Variants in RHBDF1 observed in about 807,000 individuals in gnomAD.
RHBDF1 encodes the protein inactive rhomboid protein 1.
In RHBDF1, 80 loss-of-function variants were observed where a neutral mutation model predicts 98.6. The observed-to-expected ratio is 0.81, with a 90% CI of 0.68 to 0.98. The LOEUF is 0.98. Ranked by LOEUF, RHBDF1 falls within the 50% of genes least tolerant of loss-of-function variation. RHBDF1 has a pLI of 0.00. For missense variants in RHBDF1, 1,116 were observed against 1,198.3 expected, an observed-to-expected ratio of 0.93 and a Z score of 1.01; for synonymous variants, 512 against 486.8, an observed-to-expected ratio of 1.05 and a Z score of -0.68.
upstream of RHBDF1, among the ~76,000 whole-genome samples, chr16:73,366 G>A (rs1373779100): frequency 6.6e-6 from 1 of 151,858 alleles, no homozygotes; most frequent in Non-Finnish European, 1.5e-5. Context: ...GGCCCCACCC[G>A]AAGCCACTCA....
chr16:72,664 C>T, upstream of RHBDF1: 2 of 980,500 alleles, frequency 2.0e-6, no homozygotes, highest in Non-Finnish European at 2.4e-6. Context: ...CGGGGGCGGG[C>T]CCGGCCGGAG....
rs377455448 is a variant in RHBDF1, at chr16:70,547, G to A, written c.-25+1966C>T. 1.7e-4 allele frequency among the ~76,000 whole-genome samples: 26 copies of A among 152,338 alleles called. No homozygotes were observed. In the East Asian group the frequency reaches 3.1e-3, roughly 18 times the overall value. On this transcript the variant is annotated intron_variant, in intron 1 of 17. Coordinates refer to ENST00000262316, the MANE Select transcript of RHBDF1 (RefSeq NM_022450.5). ...ACCAAGTCAGAGCAGAAATGGCTTC[G>A]GTCCTCAGCAGCCTGGCTCAGCTTC...
chr16:68,904 G>A (rs945394358), intron 1 of RHBDF1, among the ~76,000 whole-genome samples: 1 of 152,160 alleles, frequency 6.6e-6, no homozygotes, highest in Non-Finnish European at 1.5e-5. Flanking sequence ...ATGCAGGGAG[G>A]CCACTGGGGA....
In RHBDF1 at chr16:59,643, T is replaced by G. The variant is rs895904586; in HGVS notation, c.1817+89A>C. On this transcript the variant is annotated intron_variant, in intron 14 of 17. Transcript: ENST00000262316. ...ACCCCACATCCTTGGTATACTGGCT[T>G]ATTTCAGGATTTGGTTAGGGAGAAG... 5.9e-6 allele frequency: 9 copies of G among 1,523,220 alleles called. No homozygotes were observed. The African/African-American group carries it at 1.2e-4, about 21-fold the overall frequency. 94.4% of individuals were successfully genotyped at this position (1,523,220 alleles called of 1,614,324 possible).
Position 72,567 on chromosome 16 carries a change from C to G in RHBDF1, c.-79G>C. 3.3e-6 allele frequency: 3 copies of G among 897,064 alleles called. No homozygotes were observed. The highest frequency in any genetic ancestry group is 3.8e-6 in the Non-Finnish European group (3 of 793,938). 55.6% of individuals were successfully genotyped at this position (897,064 alleles called of 1,614,324 possible). On this transcript the variant is annotated 5_prime_UTR_variant, in exon 1 of 18. Transcript: ENST00000262316. Reference sequence around the variant, plus strand: ...GAGGGCGCCGGGGAGGAGGCTGCCGCCGCTGGCCGGGAGGGCCCGCGCCGA... The same window carrying G: ...GAGGGCGCCGGGGAGGAGGCTGCCGGCGCTGGCCGGGAGGGCCCGCGCCGA...
chr16:58,245 TG>T lies in RHBDF1; in HGVS notation c.*94del, dbSNP rs1263834914. The T allele has an allele frequency of 8.1e-7, 1 of 1,236,982 alleles. No homozygotes were observed. The highest frequency in any genetic ancestry group is 1.5e-5 in the African/African-American group (1 of 66,418). The allele number at this position is 1,236,982 out of a possible 1,614,324, so 76.6% of individuals were successfully genotyped here. ...TTCAGGAAACAGGCCAGTCCCCACA[TG>T]GAGCAGGTGACTCCTGTAAGCCTGT... On this transcript the variant is annotated 3_prime_UTR_variant, in exon 18 of 18. Coordinates refer to ENST00000262316, the MANE Select transcript of RHBDF1 (RefSeq NM_022450.5).
At chr16:59,685 T>A (rs953020330) in intron 14 of RHBDF1, 47 bp downstream of exon 14, 1 of 1,605,600 alleles carries the variant, frequency 6.2e-7, no homozygotes, top group East Asian at 2.2e-5. Flanking sequence ...CCTAGGGCGA[T>A]GCTCTGAGCC....
Position 61,301 on chromosome 16 carries a change from GCGGC to G in RHBDF1, c.1396-24_1396-21del. The G allele has an allele frequency of 6.5e-7, 1 of 1,541,998 alleles. No individual in the cohort carries two copies. Among genetic ancestry groups the G allele is most frequent in the Non-Finnish European group, 8.7e-7 (1 of 1,143,342 alleles). On this transcript the variant is annotated intron_variant, in intron 10 of 17. Transcript: ENST00000262316. ...GGCCTCCTGCGGGCGAGGGAGACGAGCGGCCGCAGTCCGGGGCCTCCTGCCCCCG... is the reference window on the plus strand; with the variant it reads ...GGCCTCCTGCGGGCGAGGGAGACGAGCGCAGTCCGGGGCCTCCTGCCCCCG...
Position 59,353 on chromosome 16 carries a change from C to A in RHBDF1, c.1894-4G>T, listed in dbSNP as rs374612033. 1 of 1,611,698 alleles carries A rather than the reference C, an allele frequency of 6.2e-7. No homozygotes were observed. Reference sequence around the variant, plus strand: ...ACACATCATCCATGCAGTGCACCTGCGCAGAGCAGCATATCAGCATCACAG... The same window carrying A: ...ACACATCATCCATGCAGTGCACCTGAGCAGAGCAGCATATCAGCATCACAG... On this transcript the variant is annotated splice_region_variant and splice_polypyrimidine_tract_variant and intron_variant, in intron 15 of 17. Coordinates refer to ENST00000262316, the MANE Select transcript of RHBDF1 (RefSeq NM_022450.5).
chr16:61,665 G>T lies in RHBDF1; in HGVS notation c.1240C>A (p.His414Asn). 1 of 1,613,478 alleles carries T rather than the reference G, an allele frequency of 6.2e-7. No homozygotes were observed. Among genetic ancestry groups the T allele is most frequent in the Non-Finnish European group, 8.5e-7 (1 of 1,179,916 alleles). Residue 414 changes from histidine to asparagine, a missense_variant, in exon 9 of 18, where the codon CAC (histidine) becomes AAC (asparagine). Coordinates refer to ENST00000262316, the MANE Select transcript of RHBDF1 (RefSeq NM_022450.5). ...PFFTYWLTFV[H>N]SLVTILAVCI... Reference sequence around the variant, plus strand: ...ACGGCTAGGATGGTGACGAGCGAGTGCACGAAGGTAAGCCAGTAGGTGAAG... The same window carrying T: ...ACGGCTAGGATGGTGACGAGCGAGTTCACGAAGGTAAGCCAGTAGGTGAAG...
chr16:64,610 C>A, intron 3 of RHBDF1, 89 bp downstream of exon 3: 1 of 1,546,130 alleles, frequency 6.5e-7, no homozygotes, highest in South Asian at 1.3e-5. Flanking sequence ...CAAGAGGGCC[C>A]TTGTTCTCAT....
rs770649319 is a variant in RHBDF1, at chr16:61,574, C to G, written c.1320+11G>C. 11 of 1,612,822 alleles carry G rather than the reference C, an allele frequency of 6.8e-6. No individual in the cohort carries two copies. In the South Asian group the frequency reaches 7.7e-5, roughly 11 times the overall value. ...CACTCGTCTGGGCCCAGGGAAGGCA[C>G]AGGGGCTCACCGAGTCCACCGTCTC... On this transcript the variant is annotated intron_variant, in intron 9 of 17. Transcript: ENST00000262316.
upstream of RHBDF1, among the ~76,000 whole-genome samples, chr16:74,439 C>T (rs1898048372): frequency 6.6e-6 from 1 of 152,198 alleles, no homozygotes; most frequent in African/African-American, 2.4e-5. Context: ...GACCCAGACA[C>T]TCATCGCCAG....
At chr16:59,975 C>A in intron 13 of RHBDF1, 149 bp from the exon 14 acceptor site, 6 of 1,487,324 alleles carry the variant, frequency 4.0e-6, no homozygotes, top group Non-Finnish European at 5.4e-6. Flanking sequence ...CACACTGAGT[C>A]TCTATCAAAC....
chr16:58,969 C>T lies in RHBDF1; in HGVS notation c.2148+5G>A. The stretch of plus-strand genomic sequence containing the variant: ...GAGGATCCCCACCCTGAGGGCCAGC[C>T]TTACCTCTGCTCGGTATGGCAGGAA... On this transcript the variant is annotated splice_donor_5th_base_variant and intron_variant, in intron 17 of 17. Transcript: ENST00000262316. 1 of 1,612,984 alleles carries T rather than the reference C, an allele frequency of 6.2e-7. No homozygotes were observed. Among genetic ancestry groups the T allele is most frequent in the South Asian group, 1.1e-5 (1 of 91,054 alleles).
At chr16:61,333 G>A (rs539856820) in intron 10 of RHBDF1, 52 bp from the exon 11 acceptor site, 55 of 1,543,650 alleles carry the variant, frequency 3.6e-5, no homozygotes, top group African/African-American at 2.3e-4. Flanking sequence ...TGCCCCCGCC[G>A]GGCACCTCCA....
rs79691782 is a variant in RHBDF1, at chr16:61,249, C to G, written c.1428G>C (p.Ser476=). The G allele has an allele frequency of 1.9e-6, 3 of 1,545,008 alleles. No individual in the cohort carries two copies. Among genetic ancestry groups the G allele is most frequent in the Non-Finnish European group, 8.7e-7 (1 of 1,144,256 alleles). Residue 476 remains serine (S), a synonymous_variant, in exon 11 of 18, where the codon TCG becomes TCC. Transcript: ENST00000262316. ...EALIHLGAKF[S]PCMRQDPQVH... is the part of the protein sequence containing the mutation. ...CCTGCGGGTCCTGGCGCATGCAGGG[C>G]GAAAACTTGGCGCCCAGGTGGATGA...
At chr16:73,365 C>G (rs2858052), upstream of RHBDF1, among the ~76,000 whole-genome samples, 1 of 152,122 alleles carries the variant, frequency 6.6e-6, no homozygotes, top group South Asian at 2.1e-4. Flanking sequence ...CGGCCCCACC[C>G]GAAGCCACTC....
chr16:59,858 G>T, intron 13 of RHBDF1, 32 bp from the exon 14 acceptor site: 2 of 1,613,842 alleles, frequency 1.2e-6, no homozygotes, highest in Non-Finnish European at 1.7e-6. Context: ...GCTGAGTCAG[G>T]GCCTCCCCCA....
Sources: gnomAD v4.1 joint callset for allele counts (sites outside exome capture counted in the v4.1 genomes callset) on GRCh38, gnomAD v4.1.1 for gene constraint, MANE v1.5 for transcripts, NCBI Gene and HGNC (gene_info 2026-07-23, HGNC 2026-07-21) for gene names.